WDR7: variants seen among roughly 807,000 people sequenced by gnomAD.
WDR7 encodes WD repeat-containing protein 7.
Under a neutral mutation model 169.4 loss-of-function variants are expected in WDR7, and 46 were observed. The observed-to-expected ratio is 0.27, with a 90% CI of 0.21 to 0.35. The LOEUF (loss-of-function observed/expected upper bound fraction) is 0.35, where lower values mean the gene tolerates loss of function less well. Ranked by LOEUF, WDR7 falls within the 10% of genes least tolerant of loss-of-function variation. The probability of loss-of-function intolerance (pLI) is 1.00; values close to 1 mark genes in which losing one functional copy is unlikely to be tolerated. For synonymous variants in WDR7, 612 were observed against 666.8 expected (o/e 0.92, Z 1.27); for missense variants, 1,534 against 1,859.3 (o/e 0.83, Z 3.22).
chr18:56,704,678 T>G (rs1241179182), intron 12 of WDR7, among the ~76,000 whole-genome samples: 1 of 149,790 alleles, frequency 6.7e-6, no homozygotes, highest in African/African-American at 2.4e-5. Context: ...GGACTGGCAG[T>G]GAGAGGCCCC....
chr18:56,805,178 A>G (rs1405524189), intron 19 of WDR7, among the ~76,000 whole-genome samples: 1 of 152,146 alleles, frequency 6.6e-6, no homozygotes, highest in African/African-American at 2.4e-5. Context: ...TGATACCAAA[A>G]TTAAGTCCAC....
At chr18:56,810,181 C>T (rs1022428782) in intron 19 of WDR7, among the ~76,000 whole-genome samples, 7 of 152,118 alleles carry the variant, frequency 4.6e-5, no homozygotes, top group African/African-American at 9.7e-5. Flanking sequence ...TCTACCATAA[C>T]TATATGGCTG....
chr18:56,658,340 G>A (rs1262074053), intron 1 of WDR7, among the ~76,000 whole-genome samples: 1 of 152,132 alleles, frequency 6.6e-6, no homozygotes, highest in Non-Finnish European at 1.5e-5. Context: ...CTGACCTCAA[G>A]TGATCTGCCT....
At chr18:56,797,720 G>A (rs544151893) in intron 19 of WDR7, among the ~76,000 whole-genome samples, 8 of 151,878 alleles carry the variant, frequency 5.3e-5, no homozygotes, top group Admixed American at 3.3e-4. Flanking sequence ...ACCCCATCTT[G>A]TGGATTTATC....
intron 22 of WDR7, among the ~76,000 whole-genome samples, chr18:56,926,868 C>A (rs976758156): frequency 2.6e-5 from 4 of 152,092 alleles, no homozygotes; most frequent in Non-Finnish European, 5.9e-5. Flanking sequence ...GGGTGCAGAG[C>A]CTGAGATGGT....
At chr18:56,836,231 C>G (rs184272312) in intron 20 of WDR7, among the ~76,000 whole-genome samples, 2 of 152,076 alleles carry the variant, frequency 1.3e-5, no homozygotes, top group African/African-American at 4.8e-5. Flanking sequence ...AGGCCACTTT[C>G]CTCTCATGTC....
chr18:56,664,594 C>G (rs1222905223), intron 1 of WDR7, among the ~76,000 whole-genome samples: 1 of 149,712 alleles, frequency 6.7e-6, no homozygotes, highest in East Asian at 2.0e-4. Flanking sequence ...TACATGAAAC[C>G]CTTAATACAG....
chr18:56,840,430 T>G (rs576683170), intron 20 of WDR7, among the ~76,000 whole-genome samples: 2 of 152,306 alleles, frequency 1.3e-5, no homozygotes, highest in Admixed American at 1.3e-4. Flanking sequence ...ATATTCAGTG[T>G]TATCAAGTAA....
At chr18:56,931,983 G>T (rs1175326487) in intron 22 of WDR7, among the ~76,000 whole-genome samples, 1 of 152,132 alleles carries the variant, frequency 6.6e-6, no homozygotes, top group Non-Finnish European at 1.5e-5. Flanking sequence ...TTTTCCTAGA[G>T]GTGGTAGAGA....
chr18:56,795,306 A>G (rs2044564316), intron 19 of WDR7, among the ~76,000 whole-genome samples: 1 of 152,176 alleles, frequency 6.6e-6, no homozygotes, highest in Non-Finnish European at 1.5e-5. Flanking sequence ...GACCTGAGTC[A>G]ACTCATGTAA....
At chr18:57,034,944 C>T in the WDR7 span, 2 of 152,130 alleles carry the variant, frequency 1.3e-5, no homozygotes, top group Non-Finnish European at 2.9e-5. Context: ...ATCTTCTGCC[C>T]CAGGGTCAGA....
At chr18:56,815,920 T>G in intron 19 of WDR7, 111 bp from the exon 20 acceptor site, 9 of 824,362 alleles carry the variant, frequency 1.1e-5, no homozygotes, top group Non-Finnish European at 1.5e-5. Flanking sequence ...CATATATATT[T>G]TTTAATGTAT....
Position 56,672,675 on chromosome 18 carries a change from G to T in WDR7, c.159+1G>T. 6.2e-7 allele frequency: 1 copy of T among 1,604,724 alleles called. No individual in the cohort carries two copies. Among genetic ancestry groups the T allele is most frequent in the Non-Finnish European group, 8.5e-7 (1 of 1,176,172 alleles). On this transcript the variant is annotated splice_donor_variant, in intron 2 of 27. Transcript: ENST00000254442. LOFTEE classifies it high-confidence loss of function. ...CTGGGATCTTTCAGTAGAACTGCAA[G>T]TGAGTATGTGAAATGCCTATTATAC... is the stretch of plus-strand genomic sequence containing the variant.
chr18:57,016,237 G>A (rs2048205683), intron 26 of WDR7, among the ~76,000 whole-genome samples: 1 of 151,984 alleles, frequency 6.6e-6, no homozygotes, highest in African/African-American at 2.4e-5. Context: ...AGATCTTGGG[G>A]GTCATCAAGG....
chr18:56,979,192 C>A lies in WDR7; in HGVS notation c.4164+16663C>A, dbSNP rs189425548. Among the ~76,000 whole-genome samples the A allele has an allele frequency of 3.5e-3, 530 of 152,198 alleles. 3 individuals carry two copies. The highest frequency in any genetic ancestry group is 6.8e-3 in the Middle Eastern group (2 of 294). ...AGTATAGATATTTGCAGTCTATATA[C>A]TCCTATATTTGCTTTGAAATATTAC... On this transcript the variant is annotated intron_variant, in intron 26 of 27. Transcript: ENST00000254442.
rs941745780 is a variant in WDR7, at chr18:56,651,414, G to A, written c.-182G>A. 1 of 153,620 alleles carries A rather than the reference G, an allele frequency of 6.5e-6. No homozygotes were observed. Among genetic ancestry groups the A allele is most frequent in the South Asian group, 2.0e-4 (1 of 4,974 alleles). 9.5% of individuals were successfully genotyped at this position (153,620 alleles called of 1,614,324 possible). On this transcript the variant is annotated 5_prime_UTR_variant, in exon 1 of 28. Coordinates refer to ENST00000254442, the MANE Select transcript of WDR7 (RefSeq NM_015285.3). ...GCACCGGCACCTTGCAGTATCACTG[G>A]GGAGACGGCGGCTGTATAGCGCTTG...
chr18:56,694,481 T>G (rs2025652685), intron 9 of WDR7, 138 bp from the exon 10 acceptor site: 2 of 715,668 alleles, frequency 2.8e-6, no homozygotes, highest in Non-Finnish European at 4.4e-6. Context: ...AAAATATTGT[T>G]GAATAATCAT....
Position 56,656,583 on chromosome 18 carries a change from A to ATTTT in WDR7, c.-20+5018_-20+5021dup, listed in dbSNP as rs10648827. Among the ~76,000 whole-genome samples, 986 of 146,202 alleles carry ATTTT rather than the reference A, an allele frequency of 6.7e-3. 11 individuals carry two copies. Among genetic ancestry groups the ATTTT allele is most frequent in the African/African-American group, 0.022 (882 of 39,994 alleles). ...ATGTGAGCCACTGCGCCCGGCCACT[A>ATTTT]TTTTTTTTTTTTTTAACTGTTCTGA... On this transcript the variant is annotated intron_variant, in intron 1 of 27. Coordinates refer to ENST00000254442, the MANE Select transcript of WDR7 (RefSeq NM_015285.3).
intron 20 of WDR7, among the ~76,000 whole-genome samples, chr18:56,822,473 T>G (rs2045115906): frequency 6.6e-6 from 1 of 152,204 alleles, no homozygotes; most frequent in Non-Finnish European, 1.5e-5. Flanking sequence ...GAATGAAAGA[T>G]AGGAAATTTA....
Sources: allele counts gnomAD v4.1 joint callset (sites outside exome capture counted in the v4.1 genomes callset), GRCh38; gene constraint gnomAD v4.1.1; transcripts MANE v1.5; gene names NCBI Gene and HGNC (gene_info 2026-07-23, HGNC 2026-07-21).